The following ATP8A1 variants were observed in gnomAD, a reference collection of about 807,000 sequenced individuals.
ATP8A1 encodes the protein phospholipid-transporting ATPase IA.
A neutral mutation model predicts 177.7 loss-of-function variants in ATP8A1; 90 were observed. That is an observed-to-expected ratio of 0.51 (90% CI 0.43 to 0.60). ATP8A1 has a LOEUF of 0.60. Ranked by LOEUF, ATP8A1 falls within the 20% of genes least tolerant of loss-of-function variation. The probability of loss-of-function intolerance (pLI) is 0.00; values close to 1 mark genes in which losing one functional copy is unlikely to be tolerated. For missense variants in ATP8A1, 1,072 were observed against 1,392.8 expected, an observed-to-expected ratio of 0.77 and a Z score of 3.67; for synonymous variants, 493 against 485.9, an observed-to-expected ratio of 1.01 and a Z score of -0.19.
At position 42,480,319 on chromosome 4, in the gene ATP8A1, T is replaced by A. The variant is rs966477777; in HGVS notation, c.2324+5177A>T. On this transcript the variant is annotated intron_variant, in intron 25 of 36. Transcript: ENST00000381668. ...ATGTTAAAGCAAACTATTGGCATTT[T>A]ATGAAGTTATAAAGTGTATTCAGTG... Among the ~76,000 whole-genome samples the A allele has an allele frequency of 1.5e-4, 23 of 152,194 alleles. 1 individual carries two copies. Among genetic ancestry groups the A allele is most frequent in the Non-Finnish European group, 3.2e-4 (22 of 68,038 alleles).
chr4:42,574,758 T>A, intron 13 of ATP8A1, 51 bp from the exon 14 acceptor site: 1 of 1,291,212 alleles, frequency 7.7e-7, no homozygotes, highest in Admixed American at 2.2e-5. Flanking sequence ...TTTATGCCAC[T>A]CTTTTACAGA....
chr4:42,607,086 C>G (rs1165684942), intron 5 of ATP8A1, among the ~76,000 whole-genome samples: 1 of 152,188 alleles, frequency 6.6e-6, no homozygotes, highest in Non-Finnish European at 1.5e-5. Flanking sequence ...AGTAACGCTT[C>G]TTTGAAAATA....
chr4:42,612,738 C>G (rs1226942187), intron 5 of ATP8A1, among the ~76,000 whole-genome samples: 4 of 151,944 alleles, frequency 2.6e-5, no homozygotes, highest in African/African-American at 9.7e-5. Context: ...ATTGAGTTAA[C>G]TTATCAGTGA....
chr4:42,588,422 C>T (rs1349118131), intron 7 of ATP8A1, 93 bp from the exon 8 acceptor site: 30 of 1,011,764 alleles, frequency 3.0e-5, no homozygotes, highest in Middle Eastern at 4.3e-4. Context: ...TAAAGCCTTT[C>T]GTTCTAGACA....
chr4:42,570,671 C>T (rs1731812844), intron 14 of ATP8A1, among the ~76,000 whole-genome samples: 1 of 152,232 alleles, frequency 6.6e-6, no homozygotes, highest in Non-Finnish European at 1.5e-5. Context: ...GCAAACCTGC[C>T]ACTGATCCTA....
chr4:42,529,710 A>AG (rs1361610501), intron 20 of ATP8A1, among the ~76,000 whole-genome samples: 1 of 152,186 alleles, frequency 6.6e-6, no homozygotes, highest in Non-Finnish European at 1.5e-5. Context: ...CACGATATGC[A>AG]GGCACTACCC....
intron 20 of ATP8A1, 25 bp from the exon 21 acceptor site, chr4:42,524,872 T>C (rs1176646462): frequency 5.9e-6 from 9 of 1,515,126 alleles, no homozygotes; most frequent in Non-Finnish European, 8.2e-6. Context: ...GAGGGTAAAA[T>C]GATTTAATTA....
chr4:42,420,401 G>A (rs1327684320), intron 35 of ATP8A1, among the ~76,000 whole-genome samples: 2 of 152,198 alleles, frequency 1.3e-5, no homozygotes, highest in East Asian at 1.9e-4. Flanking sequence ...GCAAATGAGC[G>A]AGGCAGCAGC....
At chr4:42,531,130 C>T (rs1727220372) in intron 20 of ATP8A1, among the ~76,000 whole-genome samples, 1 of 152,160 alleles carries the variant, frequency 6.6e-6, no homozygotes, top group Non-Finnish European at 1.5e-5. Context: ...TGCTCCATAA[C>T]AGAGGTAGGG....
intron 1 of ATP8A1, among the ~76,000 whole-genome samples, chr4:42,644,111 A>T (rs945212099): frequency 9.2e-5 from 14 of 152,196 alleles, no homozygotes. Flanking sequence ...AGCTGAACAT[A>T]TGGAAAAATA....
intron 5 of ATP8A1, among the ~76,000 whole-genome samples, chr4:42,605,776 T>C (rs915818028): frequency 6.6e-6 from 1 of 152,222 alleles, no homozygotes; most frequent in African/African-American, 2.4e-5. Flanking sequence ...TCCACCCAAA[T>C]GTTCTCTCTC....
chr4:42,538,091 T>C (rs1370869966), intron 20 of ATP8A1, among the ~76,000 whole-genome samples: 8 of 152,074 alleles, frequency 5.3e-5, no homozygotes, highest in East Asian at 1.9e-4. Context: ...TGGAAGAGAA[T>C]GAAGAACCCA....
chr4:42,633,954 T>C (rs1354430676), intron 1 of ATP8A1, among the ~76,000 whole-genome samples: 2 of 152,132 alleles, frequency 1.3e-5, no homozygotes, highest in Non-Finnish European at 2.9e-5. Flanking sequence ...GAGCTTGGCA[T>C]TTCCAGGAAC....
chr4:42,477,620 G>A (rs1721214776), intron 25 of ATP8A1, among the ~76,000 whole-genome samples: 1 of 152,154 alleles, frequency 6.6e-6, no homozygotes, highest in South Asian at 2.1e-4. Context: ...GTATCCCTAT[G>A]AGAAGAGATA....
At chr4:42,581,102 C>G (rs1470160184) in intron 10 of ATP8A1, among the ~76,000 whole-genome samples, 1 of 152,010 alleles carries the variant, frequency 6.6e-6, no homozygotes, top group African/African-American at 2.4e-5. Context: ...CCTGGTGAAC[C>G]TTCCAGTATT....
intron 20 of ATP8A1, among the ~76,000 whole-genome samples, chr4:42,532,988 G>A (rs1238376166): frequency 6.6e-6 from 1 of 152,124 alleles, no homozygotes; most frequent in African/African-American, 2.4e-5. Context: ...ACCCTTTGCT[G>A]ACTCCTTTTT....
At chr4:42,508,868 A>T (rs1258899327) in intron 22 of ATP8A1, among the ~76,000 whole-genome samples, 1 of 152,254 alleles carries the variant, frequency 6.6e-6, no homozygotes, top group Non-Finnish European at 1.5e-5. Flanking sequence ...TAACAAAGAA[A>T]GCCATTTTCT....
intron 25 of ATP8A1, among the ~76,000 whole-genome samples, chr4:42,472,876 G>A (rs1224744766): frequency 1.3e-5 from 2 of 151,980 alleles, no homozygotes; most frequent in East Asian, 1.9e-4. Flanking sequence ...AAAGGACAAT[G>A]AAAATGAAAA....
At chr4:42,608,046 G>C (rs933866079) in intron 5 of ATP8A1, among the ~76,000 whole-genome samples, 1 of 152,232 alleles carries the variant, frequency 6.6e-6, no homozygotes, top group African/African-American at 2.4e-5. Flanking sequence ...GGAGAGCTCA[G>C]ACTAAACAAT....
Sources: allele counts gnomAD v4.1 joint callset (sites outside exome capture counted in the v4.1 genomes callset), GRCh38; gene constraint gnomAD v4.1.1; transcripts MANE v1.5; gene names NCBI Gene and HGNC (gene_info 2026-07-23, HGNC 2026-07-21).